Variants in ADAMTS9 observed in about 807,000 individuals in gnomAD.
ADAMTS9 encodes the protein A disintegrin and metalloproteinase with thrombospondin motifs 9.
A neutral mutation model predicts 257.1 loss-of-function variants in ADAMTS9; 107 were observed. The ratio of observed to expected loss-of-function variants is 0.42; its 90% CI spans 0.36 to 0.49. The LOEUF is 0.49. Among genes scored for constraint, ADAMTS9 ranks in the 20% least tolerant of loss-of-function variants. The pLI is 0.03. For synonymous variants in ADAMTS9, 982 were observed against 880.9 expected (o/e 1.11, Z -2.03); for missense variants, 2,353 against 2,469.1 (o/e 0.95, Z 1.00).
At position 64,655,549 on chromosome 3, in the gene ADAMTS9, G is replaced by A. The variant is rs746672275; in HGVS notation, c.1169+27C>T. The A allele has an allele frequency of 1.9e-6, 3 of 1,559,244 alleles. No homozygotes were observed. The South Asian group carries it at 3.3e-5, about 17-fold the overall frequency. ...CCATCAACTTGACCTGAGACTGAAAGATCTGAGGAATAAGAAATCCATATA... is the reference window on the plus strand; with the variant it reads ...CCATCAACTTGACCTGAGACTGAAAAATCTGAGGAATAAGAAATCCATATA... On this transcript the variant is annotated intron_variant, in intron 6 of 39. Transcript: ENST00000498707.
intron 3 of ADAMTS9, among the ~76,000 whole-genome samples, chr3:64,665,983 G>C (rs560077735): frequency 2.6e-5 from 4 of 152,094 alleles, no homozygotes; most frequent in Non-Finnish European, 5.9e-5. Context: ...TTTGTGCCAA[G>C]TACTGGGCTA....
At chr3:64,605,121 T>C (rs573436826) in intron 23 of ADAMTS9, among the ~76,000 whole-genome samples, 60 of 152,346 alleles carry the variant, frequency 3.9e-4, no homozygotes, top group African/African-American at 1.4e-3. Context: ...TGTGAAATTT[T>C]GTTACGTGGC....
intron 21 of ADAMTS9, 146 bp from the exon 22 acceptor site, chr3:64,613,655 A>G: frequency 1.3e-6 from 1 of 742,174 alleles, no homozygotes; most frequent in Non-Finnish European, 2.0e-6. Context: ...ACTAAGCCTC[A>G]TTTTTTTCCT....
intron 26 of ADAMTS9, among the ~76,000 whole-genome samples, chr3:64,600,465 G>C (rs1168497353): frequency 1.3e-5 from 2 of 152,194 alleles, no homozygotes; most frequent in Non-Finnish European, 2.9e-5. Flanking sequence ...CTCTGCCCAA[G>C]GGCAGAATCA....
At chr3:64,648,143 A>G (rs1700842092) in intron 10 of ADAMTS9, 99 bp from the exon 11 acceptor site, 2 of 1,068,912 alleles carry the variant, frequency 1.9e-6, no homozygotes, top group Non-Finnish European at 2.7e-6. Flanking sequence ...CACCAATGAC[A>G]TAGGGTAAGT....
chr3:64,611,922 T>G (rs1194901874), intron 22 of ADAMTS9, among the ~76,000 whole-genome samples: 1 of 152,234 alleles, frequency 6.6e-6, no homozygotes, highest in African/African-American at 2.4e-5. Context: ...TAAATGCCAC[T>G]GATTTGTTCG....
intron 37 of ADAMTS9, 38 bp from the exon 38 acceptor site, chr3:64,533,308 T>A (rs750707496): frequency 6.4e-7 from 1 of 1,565,188 alleles, no homozygotes; most frequent in East Asian, 2.2e-5. Flanking sequence ...TTTCAGTCCA[T>A]GTGATGTCCT....
chr3:64,686,602 T>A lies in ADAMTS9; in HGVS notation c.482A>T (p.Glu161Val). ...FYKGYVNTNSEHTAVISLCSG... is the reference protein window; with the variant it reads ...FYKGYVNTNSVHTAVISLCSG... ...GCAGAGGCTGATGACGGCCGTGTGC[T>A]CGGAGTTGGTATTGACATAGCCTTT... Residue 161 changes from glutamate to valine, a missense_variant, in exon 2 of 40, where the codon GAG becomes GTG. Physicochemically the swap from Glu to Val is moderately radical, Grantham distance 121. Transcript: ENST00000498707. This position sits in a 1 kb window ranked among gnomAD's most constrained non-coding sequence, Gnocchi z 4.6. The A allele has an allele frequency of 6.2e-7, 1 of 1,613,248 alleles. No individual in the cohort carries two copies. The highest frequency in any genetic ancestry group is 1.1e-5 in the South Asian group (1 of 90,830).
At chr3:64,563,062 G>A (rs1267520779) in intron 29 of ADAMTS9, 3 of 152,176 alleles carry the variant, frequency 2.0e-5, no homozygotes, top group Admixed American at 2.0e-4. Flanking sequence ...GGGCTCAATT[G>A]TATTAATTGG....
chr3:64,675,138 A>G (rs1178600686), intron 3 of ADAMTS9, among the ~76,000 whole-genome samples: 7 of 152,236 alleles, frequency 4.6e-5, no homozygotes, highest in Admixed American at 1.3e-4. Context: ...AGGGCTGAAG[A>G]AAATGGTATG....
At chr3:64,632,339 C>G (rs945298887) in intron 14 of ADAMTS9, among the ~76,000 whole-genome samples, 3 of 152,160 alleles carry the variant, frequency 2.0e-5, no homozygotes, top group African/African-American at 7.2e-5. Context: ...GCTCATGCCC[C>G]ATCTTAAGGG....
chr3:64,577,228 G>C (rs1207349182), intron 28 of ADAMTS9, among the ~76,000 whole-genome samples: 1 of 152,092 alleles, frequency 6.6e-6, no homozygotes, highest in Non-Finnish European at 1.5e-5. Context: ...GAGTACCCTG[G>C]GGAACTGATG....
chr3:64,660,756 A>C (rs535960743), intron 3 of ADAMTS9, among the ~76,000 whole-genome samples: 12 of 152,244 alleles, frequency 7.9e-5, no homozygotes, highest in Non-Finnish European at 1.6e-4. Flanking sequence ...TATTAAGCCA[A>C]AAAGAAGCTG....
intron 28 of ADAMTS9, chr3:64,587,959 CAGA>C (rs2084190815): frequency 1.3e-5 from 2 of 152,086 alleles, no homozygotes; most frequent in Admixed American, 6.6e-5. Flanking sequence ...AGGGAGAAGG[CAGA>C]AGATTAGGTT....
At chr3:64,619,224 C>G (rs1037966957) in intron 19 of ADAMTS9, among the ~76,000 whole-genome samples, 3 of 152,058 alleles carry the variant, frequency 2.0e-5, no homozygotes, top group Non-Finnish European at 4.4e-5. Flanking sequence ...ATCAGAGACT[C>G]AACCAGTCTC....
intron 38 of ADAMTS9, among the ~76,000 whole-genome samples, chr3:64,526,654 C>T (rs2082913922): frequency 6.6e-6 from 1 of 152,208 alleles, no homozygotes; most frequent in Admixed American, 6.5e-5. Flanking sequence ...TACTCAAACT[C>T]TCCTGACCCA....
chr3:64,535,378 CACATATATAT>C (rs778812612), intron 37 of ADAMTS9, among the ~76,000 whole-genome samples: 8 of 152,030 alleles, frequency 5.3e-5, no homozygotes, highest in Non-Finnish European at 1.2e-4. Context: ...GATTCCATCT[CACATATATAT>C]ACATATGACA....
chr3:64,568,224 A>G (rs576945221), intron 29 of ADAMTS9, 144 bp downstream of exon 29: 8 of 778,648 alleles, frequency 1.0e-5, no homozygotes, highest in Admixed American at 3.2e-5. Context: ...TATCCTGACT[A>G]TCTAGGTAAT....
intron 8 of ADAMTS9, among the ~76,000 whole-genome samples, chr3:64,652,689 G>A (rs989679960): frequency 3.3e-5 from 5 of 152,212 alleles, no homozygotes; most frequent in South Asian, 2.1e-4. Flanking sequence ...GGACGCTTAC[G>A]AACGATAATA....
Sources: allele counts gnomAD v4.1 joint callset (sites outside exome capture counted in the v4.1 genomes callset), GRCh38; gene constraint gnomAD v4.1.1; non-coding constraint Gnocchi (gnomAD v3.1); transcripts MANE v1.5; gene names NCBI Gene and HGNC (gene_info 2026-07-23, HGNC 2026-07-21).